C1orf226: variants seen among roughly 807,000 people sequenced by gnomAD.
C1orf226 encodes chromosome 1 open reading frame 226, also known as uncharacterized protein C1orf226.
Under a neutral mutation model 10.5 loss-of-function variants are expected in C1orf226, and 4 were observed. That is an observed-to-expected ratio of 0.38 (90% CI 0.19 to 0.87). The LOEUF (loss-of-function observed/expected upper bound fraction) is 0.87, where lower values mean the gene tolerates loss of function less well. C1orf226 is among the 40% of genes least tolerant of loss of function. The pLI, the probability that C1orf226 is intolerant of heterozygous loss-of-function variation, is 0.41. For synonymous variants in C1orf226, 125 were observed against 139.3 expected, an observed-to-expected ratio of 0.90 and a Z score of 0.72; for missense variants, 313 against 336.2, an observed-to-expected ratio of 0.93 and a Z score of 0.54.
chr1:162,382,486 C>A (rs1468542089), intron 1 of C1orf226, among the ~76,000 whole-genome samples: 1 of 152,270 alleles, frequency 6.6e-6, no homozygotes, highest in Non-Finnish European at 1.5e-5. Context: ...CAGCTCTGTG[C>A]TGCAGGCTAT....
rs1571262927 is a variant in C1orf226 at position 162,381,758 on chromosome 1, G to A, written c.-144G>A. The A allele has an allele frequency of 6.8e-7, 1 of 1,474,512 alleles. No individual in the cohort carries two copies. Among genetic ancestry groups the A allele is most frequent in the South Asian group, 1.5e-5 (1 of 67,820 alleles). 91.3% of individuals were successfully genotyped at this position (1,474,512 alleles called of 1,614,324 possible). On this transcript the variant is annotated 5_prime_UTR_variant, in exon 1 of 2. Coordinates refer to ENST00000458626, the MANE Select transcript of C1orf226 (RefSeq NM_001085375.2). The stretch of plus-strand genomic sequence containing the variant: ...GGAAAGTTCAAGAGTGTCTTTGCTG[G>A]CTCTTTCTTGAATATTTCCAAAGCC...
intron 1 of C1orf226, among the ~76,000 whole-genome samples, chr1:162,382,833 A>T (rs537538916): frequency 1.9e-4 from 29 of 152,134 alleles, no homozygotes; most frequent in Admixed American, 4.6e-4. Context: ...TGTTTTAAAC[A>T]CCTGTGCATC....
At chr1:162,380,112 A>C (rs571894146), upstream of C1orf226, among the ~76,000 whole-genome samples, 2 of 152,356 alleles carry the variant, frequency 1.3e-5, no homozygotes, top group African/African-American at 4.8e-5. Flanking sequence ...GGCAAGATAC[A>C]CACTTAGGAG....
In C1orf226 at chr1:162,381,864, G is replaced by A. The variant is rs575773063; in HGVS notation, c.-38G>A. On this transcript the variant is annotated 5_prime_UTR_variant, in exon 1 of 2. It removes an upstream start codon present in the reference 5' UTR. Transcript: ENST00000458626. Reference sequence around the variant, plus strand: ...GGTACCGCTCCCCTTTCCTCATCATGCCTCTCTGTCGCCTCTTTGTTCATA... The same window carrying A: ...GGTACCGCTCCCCTTTCCTCATCATACCTCTCTGTCGCCTCTTTGTTCATA... The A allele has an allele frequency of 6.2e-7, 1 of 1,607,430 alleles. No individual in the cohort carries two copies.
Position 162,383,578 on chromosome 1 carries a change from C to T in C1orf226, c.714C>T (p.Pro238=). 6.2e-7 allele frequency: 1 copy of T among 1,605,216 alleles called. No individual in the cohort carries two copies. The highest frequency in any genetic ancestry group is 8.5e-7 in the Non-Finnish European group (1 of 1,175,662). The part of the protein sequence containing the change: ...ERNGFKLSLS[P]ISLAESWEDG... ...ATGGCTTCAAACTCAGCTTGAGCCCCATCAGCCTGGCTGAGTCCTGGGAGG... is the reference window on the plus strand; with the variant it reads ...ATGGCTTCAAACTCAGCTTGAGCCCTATCAGCCTGGCTGAGTCCTGGGAGG... Residue 238 remains proline, a synonymous_variant, in exon 2 of 2, where the codon CCC becomes CCT. Coordinates refer to ENST00000458626, the MANE Select transcript of C1orf226 (RefSeq NM_001085375.2).
chr1:162,381,726 C>T (rs923639344), upstream of C1orf226: 24 of 1,431,116 alleles, frequency 1.7e-5, no homozygotes, highest in Non-Finnish European at 2.2e-5. Flanking sequence ...ATCAAGAAAA[C>T]TACACTGGAA....
Position 162,383,512 on chromosome 1 carries a change from T to C in C1orf226, c.648T>C (p.Thr216=), listed in dbSNP as rs1409519254. 6.2e-7 allele frequency: 1 copy of C among 1,604,986 alleles called. No individual in the cohort carries two copies. Among genetic ancestry groups the C allele is most frequent in the East Asian group, 2.2e-5 (1 of 44,732 alleles). ...AGGACGAATCCAAGCTAAAGATGAC[T>C]GAGTGCAGAAGGGCCTCCTCCCCCA... The part of the protein sequence containing the change: ...DSQDESKLKM[T]ECRRASSPSL... The change falls in exon 2 of 2, where the codon ACT becomes ACC. Residue 216 remains threonine (T), a synonymous_variant. Coordinates refer to ENST00000458626, the MANE Select transcript of C1orf226 (RefSeq NM_001085375.2).
At position 162,381,838 on chromosome 1, in the gene C1orf226, AGGTAC is replaced by A. The variant is rs1212743773; in HGVS notation, c.-63_-59del. 13 of 1,591,504 alleles carry A rather than the reference AGGTAC, an allele frequency of 8.2e-6. No individual in the cohort carries two copies. The highest frequency in any genetic ancestry group is 2.2e-5 in the East Asian group (1 of 44,656). On this transcript the variant is annotated 5_prime_UTR_variant, in exon 1 of 2. It introduces an in-frame stop codon into an upstream open reading frame of the 5' UTR. Transcript: ENST00000458626. Reference sequence around the variant, plus strand: ...AAGGAAAAACTGAATGATAGAGCACAGGTACCGCTCCCCTTTCCTCATCATGCCTC... The same window carrying A: ...AAGGAAAAACTGAATGATAGAGCACACGCTCCCCTTTCCTCATCATGCCTC...
Position 162,383,539 on chromosome 1 carries a change from C to A in C1orf226, c.675C>A (p.Ser225Arg). The A allele has an allele frequency of 6.2e-7, 1 of 1,606,224 alleles. No homozygotes were observed. The highest frequency in any genetic ancestry group is 2.2e-5 in the East Asian group (1 of 44,704). ...AGTGCAGAAGGGCCTCCTCCCCCAG[C>A]CTTATCGAGAGGAATGGCTTCAAAC... ...MTECRRASSP[S>R]LIERNGFKLS... The change falls in exon 2 of 2, where the codon AGC (serine) becomes AGA (arginine). Residue 225 changes from serine (S) to arginine (R), a missense_variant. Physicochemically the swap from Ser to Arg is moderately radical, Grantham distance 110. Coordinates refer to ENST00000458626, the MANE Select transcript of C1orf226 (RefSeq NM_001085375.2).
At chr1:162,379,047 T>C (rs1248578602), upstream of C1orf226, 3 of 1,497,336 alleles carry the variant, frequency 2.0e-6, no homozygotes, top group Non-Finnish European at 2.7e-6. Flanking sequence ...ATATCCTGTT[T>C]TTTTGTGGAT....
In C1orf226 at chr1:162,381,993, C is replaced by G; in HGVS notation, c.92C>G (p.Ala31Gly). 1 of 1,612,748 alleles carries G rather than the reference C, an allele frequency of 6.2e-7. No homozygotes were observed. The highest frequency in any genetic ancestry group is 8.5e-7 in the Non-Finnish European group (1 of 1,179,796). Residue 31 changes from alanine to glycine, a missense_variant, in exon 1 of 2, where the codon GCC becomes GGC. Coordinates refer to ENST00000458626, the MANE Select transcript of C1orf226 (RefSeq NM_001085375.2). ...HLSKPVAPGS[A>G]PLGSGEPGGP... ...TCCAAGCCCGTGGCCCCCGGCTCTG[C>G]CCCTCTGGGCTCTGGTGAGCCTGGG...
upstream of C1orf226, among the ~76,000 whole-genome samples, chr1:162,380,876 A>G (rs893187934): frequency 6.6e-6 from 1 of 152,246 alleles, no homozygotes; most frequent in Non-Finnish European, 1.5e-5. Flanking sequence ...ACAGCTAGGT[A>G]CCAAACCCAG....
chr1:162,383,393 C>G lies in C1orf226; in HGVS notation c.529C>G (p.Pro177Ala), dbSNP rs764440796. ...TGACGTCCCAGCAGACGCTTCACAGCCAGAGGCCACCATGGAAAGAGAAGA... is the reference window on the plus strand; with the variant it reads ...TGACGTCCCAGCAGACGCTTCACAGGCAGAGGCCACCATGGAAAGAGAAGA... ...QPDVPADASQPEATMEREERG... is the reference protein window; with the variant it reads ...QPDVPADASQAEATMEREERG... The change falls in exon 2 of 2, where the codon CCA becomes GCA. Residue 177 changes from proline (P) to alanine (A), a missense_variant. By Grantham distance (27) the Pro-to-Ala change is conservative. Coordinates refer to ENST00000458626, the MANE Select transcript of C1orf226 (RefSeq NM_001085375.2). 6.3e-7 allele frequency: 1 copy of G among 1,593,344 alleles called. No homozygotes were observed. The highest frequency in any genetic ancestry group is 1.1e-5 in the South Asian group (1 of 88,350).
chr1:162,383,796 A>ATAC lies in C1orf226; in HGVS notation c.*113_*114insTAC. 3 of 1,065,014 alleles carry ATAC rather than the reference A, an allele frequency of 2.8e-6. No homozygotes were observed. The highest frequency in any genetic ancestry group is 2.9e-5 in the Admixed American group (1 of 34,626). The allele number at this position is 1,065,014 out of a possible 1,614,324, so 66.0% of individuals were successfully genotyped here. A position where few individuals can be genotyped will look rare whatever the true frequency, so the allele number is the denominator to read the frequency against. ...CTGTGCCCTTTGTCTTCCTTGTATG[A>ATAC]GGCACCAGCAGAGAGCCAGTCGTCC... is the stretch of plus-strand genomic sequence containing the variant. On this transcript the variant is annotated 3_prime_UTR_variant, in exon 2 of 2. Transcript: ENST00000458626.
chr1:162,383,077 TG>T (rs1345464942), intron 1 of C1orf226, 104 bp from the exon 2 acceptor site: 3 of 1,093,958 alleles, frequency 2.7e-6, no homozygotes, highest in Non-Finnish European at 4.0e-6. Flanking sequence ...AGTTATTGGG[TG>T]GGGTGGGTTG....
rs1277700013 is a variant in C1orf226 at position 162,381,996 on chromosome 1, C to T, written c.95C>T (p.Pro32Leu). The change falls in exon 1 of 2, where the codon CCT becomes CTT. Residue 32 changes from proline (P) to leucine (L), a missense_variant. Coordinates refer to ENST00000458626, the MANE Select transcript of C1orf226 (RefSeq NM_001085375.2). The part of the protein sequence containing the change: ...LSKPVAPGSA[P>L]LGSGEPGGPG... ...AAGCCCGTGGCCCCCGGCTCTGCCCCTCTGGGCTCTGGTGAGCCTGGGGGG... is the reference window on the plus strand; with the variant it reads ...AAGCCCGTGGCCCCCGGCTCTGCCCTTCTGGGCTCTGGTGAGCCTGGGGGG... 2 of 1,612,652 alleles carry T rather than the reference C, an allele frequency of 1.2e-6. No individual in the cohort carries two copies. The highest frequency in any genetic ancestry group is 1.7e-6 in the Non-Finnish European group (2 of 1,179,786).
At position 162,386,697 on chromosome 1, in the gene C1orf226, G is replaced by A. The variant is rs1047802; in HGVS notation, c.*3014G>A. 2.0e-5 allele frequency: 3 copies of A among 152,006 alleles called. No individual in the cohort carries two copies. The highest frequency in any genetic ancestry group is 4.4e-5 in the Non-Finnish European group (3 of 68,002). The allele number at this position is 152,006 out of a possible 1,614,324, so 9.4% of individuals were successfully genotyped here. On this transcript the variant is annotated 3_prime_UTR_variant, in exon 2 of 2. Transcript: ENST00000458626. Reference sequence around the variant, plus strand: ...TAAAGAAGAAGATTGGCTCCAGTTCGGAGGAGGAGGAGGAAGATTACAGAT... The same window carrying A: ...TAAAGAAGAAGATTGGCTCCAGTTCAGAGGAGGAGGAGGAAGATTACAGAT...
upstream of C1orf226, chr1:162,379,128 C>G (rs1375071765): frequency 5.6e-6 from 4 of 712,244 alleles, no homozygotes; most frequent in African/African-American, 5.2e-5. Context: ...GGAGGGCCAC[C>G]TGGCTGGGGT....
Position 162,384,102 on chromosome 1 carries a change from CT to C in C1orf226, c.*420del. On this transcript the variant is annotated 3_prime_UTR_variant, in exon 2 of 2. Coordinates refer to ENST00000458626, the MANE Select transcript of C1orf226 (RefSeq NM_001085375.2). ...CCCTGCTGTTCTCCCTCCCACACCC[CT>C]GTCCCTTCTCTCTCCTCCTTGATGG... The C allele has an allele frequency of 5.5e-6, 1 of 181,700 alleles. No homozygotes were observed. The highest frequency in any genetic ancestry group is 1.1e-5 in the Non-Finnish European group (1 of 87,298). 11.3% of individuals were successfully genotyped at this position (181,700 alleles called of 1,614,324 possible).
Sources: gnomAD v4.1 joint callset for allele counts (sites outside exome capture counted in the v4.1 genomes callset) on GRCh38, gnomAD v4.1.1 for gene constraint, MANE v1.5 for transcripts, NCBI Gene and HGNC (gene_info 2026-07-23, HGNC 2026-07-21) for gene names.